The following LRRC4C variants were observed in gnomAD, a reference collection of about 807,000 sequenced individuals.
LRRC4C encodes leucine rich repeat containing 4C.
In LRRC4C, 5 loss-of-function variants were observed where a neutral mutation model predicts 33.6. That is an observed-to-expected ratio of 0.15 (90% CI 0.08 to 0.31). LRRC4C has a LOEUF of 0.31. Among genes scored for constraint, LRRC4C ranks in the 10% least tolerant of loss-of-function variants. The pLI, the probability that LRRC4C is intolerant of heterozygous loss-of-function variation, is 1.00. For missense variants in LRRC4C, 560 were observed against 796.7 expected, an observed-to-expected ratio of 0.70 and a Z score of 3.58; for synonymous variants, 329 against 302.0, an observed-to-expected ratio of 1.09 and a Z score of -0.93.
At chr11:40,360,655 C>A (rs1049204748) in intron 3 of LRRC4C, among the ~76,000 whole-genome samples, 2 of 152,092 alleles carry the variant, frequency 1.3e-5, no homozygotes, top group Non-Finnish European at 2.9e-5. Context: ...AGGGGAGGAG[C>A]TCATCCTTGC....
intron 3 of LRRC4C, among the ~76,000 whole-genome samples, chr11:40,499,010 A>G (rs1029922413): frequency 6.6e-6 from 1 of 152,150 alleles, no homozygotes; most frequent in Non-Finnish European, 1.5e-5. Flanking sequence ...TTCATTGTAC[A>G]TTAATTTTGA....
chr11:41,193,257 GT>G (rs1257234438), intron 1 of LRRC4C, among the ~76,000 whole-genome samples: 1 of 152,088 alleles, frequency 6.6e-6, no homozygotes, highest in African/African-American at 2.4e-5. Context: ...TCTTCTTAAA[GT>G]TTTTCTTGAT....
chr11:40,967,141 T>C (rs563527641), intron 1 of LRRC4C, among the ~76,000 whole-genome samples: 6 of 151,242 alleles, frequency 4.0e-5, no homozygotes, highest in Non-Finnish European at 7.4e-5. Flanking sequence ...GGAATTATTT[T>C]TAAAAAGAGA....
At chr11:40,494,043 G>A (rs1402078308) in intron 3 of LRRC4C, among the ~76,000 whole-genome samples, 1 of 151,980 alleles carries the variant, frequency 6.6e-6, no homozygotes, top group Non-Finnish European at 1.5e-5. Flanking sequence ...GCTAAGCCAC[G>A]GTGGCTTAGC....
At chr11:40,959,895 T>G (rs1457318428) in intron 1 of LRRC4C, among the ~76,000 whole-genome samples, 2 of 151,748 alleles carry the variant, frequency 1.3e-5, no homozygotes. Flanking sequence ...AGGCTACATT[T>G]TAGGATTTAG....
chr11:41,393,691 G>A (rs898142350), intron 1 of LRRC4C, among the ~76,000 whole-genome samples: 1 of 151,928 alleles, frequency 6.6e-6, no homozygotes, highest in Non-Finnish European at 1.5e-5. Context: ...AATGAAACTT[G>A]AAGGGAAATA....
intron 1 of LRRC4C, among the ~76,000 whole-genome samples, chr11:41,047,293 C>G (rs962971592): frequency 2.0e-5 from 3 of 151,986 alleles, no homozygotes; most frequent in Non-Finnish European, 4.4e-5. Flanking sequence ...ATCAAAACCA[C>G]AAGATGCCAC....
rs553856422 is a variant in LRRC4C, at chr11:40,811,794, C to A, written c.-407+121841G>T. Among the ~76,000 whole-genome samples, 3 of 152,266 alleles carry A rather than the reference C, an allele frequency of 2.0e-5. No homozygotes were observed. In the South Asian group the frequency reaches 6.2e-4, roughly 32 times the overall value. On this transcript the variant is annotated intron_variant, in intron 2 of 6. Coordinates refer to ENST00000528697, the MANE Select transcript of LRRC4C (RefSeq NM_001258419.2). The stretch of plus-strand genomic sequence containing the variant: ...TACAGGCATGAGCCATCACACCCGG[C>A]CAAATGGCATCTACTTTAGGCAGGC...
At chr11:40,959,549 T>C (rs1254321097) in intron 1 of LRRC4C, among the ~76,000 whole-genome samples, 2 of 151,804 alleles carry the variant, frequency 1.3e-5, no homozygotes, top group Admixed American at 1.3e-4. Flanking sequence ...TGCATTAAGT[T>C]TGTGGTTAAG....
chr11:40,742,872 G>A (rs1244264600), intron 2 of LRRC4C, among the ~76,000 whole-genome samples: 1 of 152,030 alleles, frequency 6.6e-6, no homozygotes, highest in Non-Finnish European at 1.5e-5. Context: ...TGAGTACAGA[G>A]TAGGCTGCTC....
chr11:40,305,458 G>A (rs1944982946), intron 4 of LRRC4C, among the ~76,000 whole-genome samples: 1 of 152,124 alleles, frequency 6.6e-6, no homozygotes, highest in Admixed American at 6.5e-5. Flanking sequence ...AGTTAGATCT[G>A]GAAATCAACT....
chr11:40,872,116 G>A (rs1047339039), intron 2 of LRRC4C, among the ~76,000 whole-genome samples: 5 of 152,032 alleles, frequency 3.3e-5, no homozygotes, highest in African/African-American at 7.2e-5. Flanking sequence ...CCCTGGTGGC[G>A]AGATCTGACA....
intron 2 of LRRC4C, among the ~76,000 whole-genome samples, chr11:40,753,041 T>C (rs1275229600): frequency 6.6e-6 from 1 of 152,046 alleles, no homozygotes; most frequent in African/African-American, 2.4e-5. Flanking sequence ...GTACCAGAAG[T>C]TCTCATTCTT....
intron 1 of LRRC4C, among the ~76,000 whole-genome samples, chr11:41,227,880 A>C (rs980046015): frequency 6.6e-6 from 1 of 151,928 alleles, no homozygotes; most frequent in African/African-American, 2.4e-5. Flanking sequence ...TTTCTGTCTG[A>C]ATATTTTACA....
intron 4 of LRRC4C, among the ~76,000 whole-genome samples, chr11:40,296,348 A>T (rs1292819125): frequency 6.6e-6 from 1 of 152,094 alleles, no homozygotes; most frequent in Non-Finnish European, 1.5e-5. Flanking sequence ...TTTTTGTTAC[A>T]CTTTTCTCAT....
At chr11:41,419,683 A>G (rs557278351) in intron 1 of LRRC4C, among the ~76,000 whole-genome samples, 1 of 152,104 alleles carries the variant, frequency 6.6e-6, no homozygotes, top group Non-Finnish European at 1.5e-5. Context: ...TTTATACTGT[A>G]TTTATTAACT....
intron 1 of LRRC4C, among the ~76,000 whole-genome samples, chr11:40,970,470 G>C (rs1355996088): frequency 6.6e-6 from 1 of 152,132 alleles, no homozygotes. Flanking sequence ...CATATAGCCT[G>C]AAGAACCATG....
intron 1 of LRRC4C, among the ~76,000 whole-genome samples, chr11:41,294,431 T>C (rs970185635): frequency 1.3e-5 from 2 of 152,220 alleles, no homozygotes; most frequent in African/African-American, 4.8e-5. Context: ...GTACAGGATT[T>C]GCCTTCCTTC....
chr11:40,969,888 G>C (rs1434650079), intron 1 of LRRC4C, among the ~76,000 whole-genome samples: 1 of 152,058 alleles, frequency 6.6e-6, no homozygotes, highest in Non-Finnish European at 1.5e-5. Flanking sequence ...ATCCCCTTCA[G>C]TTTGCCAAAG....
Sources: allele counts gnomAD v4.1 joint callset (sites outside exome capture counted in the v4.1 genomes callset), GRCh38; gene constraint gnomAD v4.1.1; transcripts MANE v1.5; gene names NCBI Gene and HGNC (gene_info 2026-07-23, HGNC 2026-07-21).